Variants in BAZ2B observed in about 807,000 individuals in gnomAD.
BAZ2B encodes bromodomain adjacent to zinc finger domain 2B, also known as bromodomain adjacent to zinc finger domain protein 2B.
A neutral mutation model predicts 246.0 loss-of-function variants in BAZ2B; 91 were observed. The ratio of observed to expected loss-of-function variants is 0.37; its 90% CI spans 0.31 to 0.44. BAZ2B has a LOEUF of 0.44. Among genes scored for constraint, BAZ2B ranks in the 20% least tolerant of loss-of-function variants. BAZ2B has a pLI of 1.00. For missense variants in BAZ2B, 2,332 were observed against 2,533.7 expected (o/e 0.92, Z 1.71); for synonymous variants, 855 against 860.0 (o/e 0.99, Z 0.10).
chr2:159,397,082 G>C, intron 19 of BAZ2B: 7 of 1,428,528 alleles, frequency 4.9e-6, no homozygotes, highest in Non-Finnish European at 6.5e-6. Flanking sequence ...ACCATATCTA[G>C]TCTATGCCTC....
chr2:159,640,403 T>G, the BAZ2B span, among the ~76,000 whole-genome samples: 1 of 152,116 alleles, frequency 6.6e-6, no homozygotes, highest in Non-Finnish European at 1.5e-5. Context: ...TATACATTCT[T>G]CTTCTTGGCA....
the BAZ2B span, among the ~76,000 whole-genome samples, chr2:159,632,067 T>C: frequency 6.6e-6 from 1 of 152,186 alleles, no homozygotes; most frequent in South Asian, 2.1e-4. Flanking sequence ...TCTCCTTATC[T>C]GGTAAGTCAG....
At chr2:159,389,668 T>A (rs1227861833) in intron 20 of BAZ2B, among the ~76,000 whole-genome samples, 183 bp from the exon 21 acceptor site, 2 of 152,198 alleles carry the variant, frequency 1.3e-5, no homozygotes, top group Admixed American at 6.6e-5. Flanking sequence ...ACTATTTTGT[T>A]ATTCAAAATT....
chr2:159,484,757 T>C (rs188659606), intron 2 of BAZ2B, among the ~76,000 whole-genome samples: 1 of 152,196 alleles, frequency 6.6e-6, no homozygotes, highest in African/African-American at 2.4e-5. Context: ...GCCTGAGATA[T>C]GTAAACATGA....
intron 3 of BAZ2B, among the ~76,000 whole-genome samples, chr2:159,456,157 T>C (rs1310537784): frequency 6.6e-6 from 1 of 151,994 alleles, no homozygotes; most frequent in Non-Finnish European, 1.5e-5. Context: ...CTATATTAAA[T>C]ATTACAAAAA....
intron 1 of BAZ2B, among the ~76,000 whole-genome samples, chr2:159,560,010 G>A (rs2089662933): frequency 1.3e-5 from 2 of 152,256 alleles, no homozygotes; most frequent in African/African-American, 2.4e-5. Flanking sequence ...TTTAAGTCAT[G>A]ATATGCAATC....
chr2:159,320,077 G>A lies in BAZ2B; in HGVS notation c.*188C>T, dbSNP rs370415120. On this transcript the variant is annotated 3_prime_UTR_variant, in exon 37 of 37. Transcript: ENST00000392783. ...TGATAAATCACACAAACCAATAACC[G>A]AGGGCCTTGGTTGTTGTAGGAATGA... 6.6e-5 allele frequency: 31 copies of A among 472,940 alleles called. 1 individual carries two copies. The highest frequency in any genetic ancestry group is 2.2e-4 in the African/African-American group (11 of 49,134). 29.3% of individuals were successfully genotyped at this position (472,940 alleles called of 1,614,324 possible).
the BAZ2B span, among the ~76,000 whole-genome samples, chr2:159,623,140 A>T: frequency 3.3e-5 from 5 of 150,996 alleles, 1 homozygote; most frequent in Middle Eastern, 0.014. Flanking sequence ...AAAAAGAAAG[A>T]TAAAAGGAAA....
intron 2 of BAZ2B, chr2:159,536,102 G>A (rs1420418647): frequency 6.6e-6 from 1 of 152,164 alleles, no homozygotes; most frequent in Non-Finnish European, 1.5e-5. Flanking sequence ...AACCTGTTTA[G>A]TCCAGTGAAT....
intron 11 of BAZ2B, 81 bp downstream of exon 11, chr2:159,429,119 A>C: frequency 4.3e-6 from 4 of 928,354 alleles, no homozygotes; most frequent in Non-Finnish European, 6.3e-6. Flanking sequence ...TATTAATTGT[A>C]GAGAATGAGA....
chr2:159,412,593 C>T (rs758140641), intron 13 of BAZ2B, 48 bp from the exon 14 acceptor site: 48 of 1,507,236 alleles, frequency 3.2e-5, no homozygotes, highest in Non-Finnish European at 4.2e-5. Context: ...ACAAAATAAA[C>T]ACAAGAGATC....
chr2:159,466,701 A>G (rs544144770), intron 3 of BAZ2B, among the ~76,000 whole-genome samples: 2 of 152,246 alleles, frequency 1.3e-5, no homozygotes, highest in African/African-American at 4.8e-5. Flanking sequence ...TGACCCAGGA[A>G]AGCTGGTGGT....
At chr2:159,667,164 T>TA in the BAZ2B span, among the ~76,000 whole-genome samples, 1 of 148,408 alleles carries the variant, frequency 6.7e-6, no homozygotes, top group African/African-American at 2.5e-5. Flanking sequence ...TTTTTTTTTT[T>TA]AATTTTTTTC....
chr2:159,518,946 A>C (rs929315539), intron 2 of BAZ2B, among the ~76,000 whole-genome samples: 1 of 152,172 alleles, frequency 6.6e-6, no homozygotes, highest in African/African-American at 2.4e-5. Context: ...TTTTAAAAAT[A>C]ATTTTCAAAA....
intron 27 of BAZ2B, among the ~76,000 whole-genome samples, chr2:159,360,034 G>C (rs1382981891): frequency 2.0e-5 from 3 of 152,150 alleles, no homozygotes; most frequent in Non-Finnish European, 2.9e-5. Context: ...CATTCCCTTT[G>C]AATACTGGCA....
At chr2:159,374,076 CTTTT>C (rs68072307) in intron 26 of BAZ2B, among the ~76,000 whole-genome samples, 3 of 125,186 alleles carry the variant, frequency 2.4e-5, no homozygotes, top group Non-Finnish European at 3.4e-5. Context: ...GTTTTTTTTT[CTTTT>C]TTTTTTTTTT....
chr2:159,523,432 G>A (rs1258974103), intron 2 of BAZ2B, among the ~76,000 whole-genome samples: 6 of 151,604 alleles, frequency 4.0e-5, no homozygotes, highest in Admixed American at 3.3e-4. Context: ...AAGGCTGGGC[G>A]CAGTGGCTCA....
At chr2:159,604,961 TGC>T (rs1358993908) in intron 1 of BAZ2B, among the ~76,000 whole-genome samples, 2 of 142,438 alleles carry the variant, frequency 1.4e-5, no homozygotes, top group Non-Finnish European at 3.1e-5. Context: ...TGCGCGTGTG[TGC>T]GCGCGCTAGG....
intron 30 of BAZ2B, 33 bp downstream of exon 30, chr2:159,348,645 G>A (rs1559049710): frequency 4.5e-6 from 7 of 1,565,128 alleles, no homozygotes; most frequent in Non-Finnish European, 4.3e-6. Flanking sequence ...AACTAAGCAA[G>A]AAAGAAAGCT....
Sources: allele counts gnomAD v4.1 joint callset (sites outside exome capture counted in the v4.1 genomes callset), GRCh38; gene constraint gnomAD v4.1.1; transcripts MANE v1.5; gene names NCBI Gene and HGNC (gene_info 2026-07-23, HGNC 2026-07-21).